TRAPPC9: variants seen among roughly 807,000 people sequenced by gnomAD.
The protein encoded by TRAPPC9 is IKK2 binding protein.
Under a neutral mutation model 124.0 loss-of-function variants are expected in TRAPPC9, and 83 were observed. The observed-to-expected ratio is 0.67, with a 90% CI of 0.56 to 0.80. The LOEUF (loss-of-function observed/expected upper bound fraction) is 0.80, where lower values mean the gene tolerates loss of function less well. Among genes scored for constraint, TRAPPC9 ranks in the 30% least tolerant of loss-of-function variants. The pLI is 0.00. For synonymous variants in TRAPPC9, 638 were observed against 617.5 expected (o/e 1.03, Z -0.49); for missense variants, 1,302 against 1,508.3 (o/e 0.86, Z 2.27).
chr8:140,020,519 T>G (rs1839774195), intron 18 of TRAPPC9, among the ~76,000 whole-genome samples: 1 of 152,106 alleles, frequency 6.6e-6, no homozygotes, highest in Non-Finnish European at 1.5e-5. Context: ...TTTAGCTACT[T>G]GGGAGGCAAG....
intron 17 of TRAPPC9, among the ~76,000 whole-genome samples, chr8:140,033,164 T>C (rs1193000378): frequency 6.6e-6 from 1 of 152,200 alleles, no homozygotes. Flanking sequence ...CAGTTTTGCT[T>C]CTTCATTTCC....
At position 139,732,103 on chromosome 8, in the gene TRAPPC9, G is replaced by C. The variant is rs759355522; in HGVS notation, c.3155C>G (p.Pro1052Arg). 1 of 1,606,622 alleles carries C rather than the reference G, an allele frequency of 6.2e-7. No homozygotes were observed. ...RLEVRLTNRSPRSVGPFALTV... is the reference protein window; with the variant it reads ...RLEVRLTNRSRRSVGPFALTV... The stretch of plus-strand genomic sequence containing the variant: ...GAGGGCGAAGGGCCCTACGCTGCGC[G>C]GGCTCCGGTTGGTCAGCCGCACCTC... The change falls in exon 22 of 23, where the codon CCG (proline) becomes CGG (arginine). Residue 1052 changes from proline (P) to arginine (R), a missense_variant. Coordinates refer to ENST00000438773, the MANE Select transcript of TRAPPC9 (RefSeq NM_001160372.4).
intron 21 of TRAPPC9, among the ~76,000 whole-genome samples, chr8:139,746,612 G>A (rs1818911171): frequency 6.6e-6 from 1 of 152,194 alleles, no homozygotes; most frequent in Non-Finnish European, 1.5e-5. Context: ...TGGGTCCCCA[G>A]GTGAGCGCCA....
intron 19 of TRAPPC9, among the ~76,000 whole-genome samples, chr8:139,930,752 G>T (rs1364815478): frequency 6.6e-6 from 1 of 152,200 alleles, no homozygotes; most frequent in Admixed American, 6.5e-5. Context: ...TAGAAACCCA[G>T]CCTCATTCCA....
At chr8:140,096,308 C>T (rs1844941725) in intron 17 of TRAPPC9, 1 of 152,156 alleles carries the variant, frequency 6.6e-6, no homozygotes, top group African/African-American at 2.4e-5. Context: ...ATTGTAAAAA[C>T]ATTAGATTTT....
chr8:139,730,988 C>T lies in TRAPPC9; in HGVS notation c.*73G>A, dbSNP rs1250764504. 6 of 1,549,546 alleles carry T rather than the reference C, an allele frequency of 3.9e-6. No individual in the cohort carries two copies. In the South Asian group the frequency reaches 5.8e-5, roughly 15 times the overall value. On this transcript the variant is annotated 3_prime_UTR_variant, in exon 23 of 23. Transcript: ENST00000438773. ...ATGGGGCTGCAGTGAAGGCCTTGCTCATTGCAGGGGGTGTGGGAGGCCAGG... is the reference window on the plus strand; with the variant it reads ...ATGGGGCTGCAGTGAAGGCCTTGCTTATTGCAGGGGGTGTGGGAGGCCAGG...
At chr8:139,734,240 T>TCCATAGC (rs900324938) in intron 21 of TRAPPC9, among the ~76,000 whole-genome samples, 1 of 152,198 alleles carries the variant, frequency 6.6e-6, no homozygotes, top group African/African-American at 2.4e-5. Flanking sequence ...ATCAGTGCTC[T>TCCATAGC]CCATAGCCCG....
chr8:140,376,037 G>A (rs2068427972), intron 7 of TRAPPC9, among the ~76,000 whole-genome samples: 2 of 152,182 alleles, frequency 1.3e-5, no homozygotes, highest in Admixed American at 6.5e-5. Context: ...TATCAAAAAA[G>A]TTTGTTAAAA....
At chr8:140,037,117 T>C (rs1840946546) in intron 17 of TRAPPC9, among the ~76,000 whole-genome samples, 1 of 152,004 alleles carries the variant, frequency 6.6e-6, no homozygotes, top group South Asian at 2.1e-4. Context: ...ACAAAATGCA[T>C]CTTAAGCAGC....
chr8:140,296,819 G>A (rs114083632), intron 11 of TRAPPC9, among the ~76,000 whole-genome samples: 2,302 of 152,336 alleles, frequency 0.015, 59 homozygotes, highest in African/African-American at 0.053. Context: ...TTTTCTCAAC[G>A]AAAGAACTGA....
At chr8:139,904,157 T>C (rs919492944) in intron 20 of TRAPPC9, among the ~76,000 whole-genome samples, 1 of 152,186 alleles carries the variant, frequency 6.6e-6, no homozygotes, top group Admixed American at 6.5e-5. Flanking sequence ...CTCTGGCACA[T>C]GGTAGAGCCT....
chr8:139,784,273 G>T (rs947798822), intron 21 of TRAPPC9, among the ~76,000 whole-genome samples: 1 of 152,134 alleles, frequency 6.6e-6, no homozygotes, highest in African/African-American at 2.4e-5. Flanking sequence ...AAGGTTTTAG[G>T]CTATAAGATC....
intron 21 of TRAPPC9, among the ~76,000 whole-genome samples, chr8:139,790,788 G>A (rs1448932267): frequency 3.3e-5 from 5 of 152,204 alleles, no homozygotes; most frequent in Non-Finnish European, 7.3e-5. Context: ...CCAATCCCCA[G>A]CATTGGAGGT....
chr8:140,187,514 T>C (rs1022028421), intron 17 of TRAPPC9, among the ~76,000 whole-genome samples: 3 of 152,206 alleles, frequency 2.0e-5, no homozygotes, highest in African/African-American at 4.8e-5. Flanking sequence ...TTGCATGTCA[T>C]TGAAAAAATT....
intron 17 of TRAPPC9, among the ~76,000 whole-genome samples, chr8:140,093,754 G>A (rs746856655): frequency 6.6e-6 from 1 of 152,044 alleles, no homozygotes; most frequent in Non-Finnish European, 1.5e-5. Context: ...ACCCCTCATT[G>A]GGCAGAGATG....
In TRAPPC9 at chr8:139,858,050, AC is replaced by A. The variant is rs573262570; in HGVS notation, c.3055+27828del. On this transcript the variant is annotated intron_variant, in intron 21 of 22. Coordinates refer to ENST00000438773, the MANE Select transcript of TRAPPC9 (RefSeq NM_001160372.4). ...GCTTCCAAAAAGGCTACTCGAAGGA[AC>A]CTGCTCAGAAGTGGGACCAAAGCAT... 6.3e-3 allele frequency among the ~76,000 whole-genome samples: 954 copies of A among 152,344 alleles called. 5 individuals carry two copies. Among genetic ancestry groups the A allele is most frequent in the Non-Finnish European group, 0.011 (721 of 68,026 alleles).
chr8:139,918,258 G>C lies in TRAPPC9; in HGVS notation c.2811-7958C>G, dbSNP rs150403461. Among the ~76,000 whole-genome samples the C allele has an allele frequency of 5.8e-3, 877 of 152,344 alleles. 9 individuals carry two copies. Among genetic ancestry groups the C allele is most frequent in the African/African-American group, 0.019 (792 of 41,580 alleles). On this transcript the variant is annotated intron_variant, in intron 19 of 22. Transcript: ENST00000438773. ...AGTAGAGTGAGCATCAGGAAACGGT[G>C]GCCTCTTGCTGCAGAGGTGGCTTCT... is the stretch of plus-strand genomic sequence containing the variant.
chr8:140,405,465 T>A, intron 6 of TRAPPC9, 112 bp downstream of exon 6: 1 of 1,199,036 alleles, frequency 8.3e-7, no homozygotes, highest in Non-Finnish European at 1.2e-6. Context: ...AAGACATGAA[T>A]ACTTACAGAA....
At chr8:140,198,636 T>C (rs189982744) in intron 17 of TRAPPC9, among the ~76,000 whole-genome samples, 7 of 152,256 alleles carry the variant, frequency 4.6e-5, no homozygotes, top group Admixed American at 3.9e-4. Context: ...ATAAAACCGG[T>C]CTCCTGCACA....
Sources: allele counts gnomAD v4.1 joint callset (sites outside exome capture counted in the v4.1 genomes callset), GRCh38; gene constraint gnomAD v4.1.1; transcripts MANE v1.5; gene names NCBI Gene and HGNC (gene_info 2026-07-23, HGNC 2026-07-21).